Variants in ANK3 observed in about 807,000 individuals in gnomAD.
ANK3 encodes the protein ankyrin 3.
In ANK3, 57 loss-of-function variants were observed where a neutral mutation model predicts 370.9. The observed-to-expected ratio is 0.15, with a 90% confidence interval of 0.12 to 0.19. The LOEUF (loss-of-function observed/expected upper bound fraction) is 0.19, where lower values mean the gene tolerates loss of function less well. ANK3 is among the 10% of genes least tolerant of loss of function. ANK3 has a pLI of 1.00. For missense variants in ANK3, 4,439 were observed against 5,302.1 expected (o/e 0.84, Z 5.06); for synonymous variants, 1,929 against 1,946.3 (o/e 0.99, Z 0.23).
intron 5 of ANK3, among the ~76,000 whole-genome samples, chr10:60,266,830 A>C (rs1344742254): frequency 6.6e-6 from 1 of 152,206 alleles, no homozygotes; most frequent in Non-Finnish European, 1.5e-5. Context: ...GATAGAGGCT[A>C]CTGGAAAAAA....
At chr10:60,663,249 G>A (rs906966131) in intron 1 of ANK3, among the ~76,000 whole-genome samples, 2 of 152,202 alleles carry the variant, frequency 1.3e-5, no homozygotes, top group Admixed American at 6.5e-5. Context: ...ATTTTGTGGG[G>A]AAAGGGCCAC....
At chr10:60,177,542 C>T (rs1340927332) in intron 18 of ANK3, among the ~76,000 whole-genome samples, 2 of 148,360 alleles carry the variant, frequency 1.3e-5, no homozygotes, top group Non-Finnish European at 3.0e-5. Flanking sequence ...TTAGTTTCCT[C>T]CTGAATTTCC....
intron 2 of ANK3, among the ~76,000 whole-genome samples, chr10:60,480,444 A>T (rs1347002900): frequency 3.3e-5 from 5 of 152,334 alleles, no homozygotes; most frequent in African/African-American, 1.2e-4. Flanking sequence ...ATCTGGGAAC[A>T]TTCAATTTCA....
chr10:60,726,646 GT>G (rs1297544536), intron 1 of ANK3, among the ~76,000 whole-genome samples: 1 of 151,922 alleles, frequency 6.6e-6, no homozygotes, highest in East Asian at 1.9e-4. Flanking sequence ...TTTTGTTTTT[GT>G]TTTTTTCTTC....
intron 8 of ANK3, among the ~76,000 whole-genome samples, chr10:60,221,263 A>G (rs909973574): frequency 3.9e-5 from 6 of 152,058 alleles, no homozygotes; most frequent in Non-Finnish European, 7.4e-5. Context: ...TATTTTTAGT[A>G]GAGACTGAGT....
At chr10:60,156,515 T>G (rs2095331804) in intron 23 of ANK3, among the ~76,000 whole-genome samples, 2 of 152,086 alleles carry the variant, frequency 1.3e-5, no homozygotes, top group Admixed American at 1.3e-4. Context: ...CCCTGTGCAG[T>G]GCCAGCTGTC....
At chr10:60,175,147 C>A (rs1261782674) in intron 18 of ANK3, among the ~76,000 whole-genome samples, 1 of 152,176 alleles carries the variant, frequency 6.6e-6, no homozygotes, top group East Asian at 1.9e-4. Flanking sequence ...CTCCTCATCC[C>A]CCATCCATAC....
chr10:60,515,602 T>C (rs1373460820), intron 2 of ANK3, among the ~76,000 whole-genome samples: 1 of 152,146 alleles, frequency 6.6e-6, no homozygotes, highest in East Asian at 1.9e-4. Flanking sequence ...AGCTGTTGTA[T>C]ATTATAGTAG....
chr10:60,732,585 G>T (rs951042388), intron 1 of ANK3, among the ~76,000 whole-genome samples: 16 of 152,084 alleles, frequency 1.1e-4, no homozygotes, highest in Non-Finnish European at 2.2e-4. Context: ...CCACCCCCTG[G>T]CACTGCCACG....
chr10:60,268,322 A>T (rs2097911873), intron 5 of ANK3, among the ~76,000 whole-genome samples: 1 of 152,246 alleles, frequency 6.6e-6, no homozygotes. Flanking sequence ...TCCCAACAGT[A>T]CTGATGGGTA....
chr10:60,204,261 A>G lies in ANK3; in HGVS notation c.1294-1161T>C, dbSNP rs1322596029. Among the ~76,000 whole-genome samples, 3 of 152,148 alleles carry G rather than the reference A, an allele frequency of 2.0e-5. No individual in the cohort carries two copies. In the South Asian group the frequency reaches 6.2e-4, roughly 32 times the overall value. ...AGTAGTTAGAGCTTGTGCAAGGCAA[A>G]ATCTTGGTCTGAACTGCCTTTTAAA... On this transcript the variant is annotated intron_variant, in intron 11 of 43. Coordinates refer to ENST00000280772, the MANE Select transcript of ANK3 (RefSeq NM_020987.5).
At chr10:60,334,928 A>G (rs1011271053) in intron 1 of ANK3, among the ~76,000 whole-genome samples, 9 of 152,090 alleles carry the variant, frequency 5.9e-5, no homozygotes, top group African/African-American at 2.2e-4. Flanking sequence ...GGTGGAGTCT[A>G]TCACTTTCAT....
At chr10:60,085,494 T>G (rs1209198087) in intron 30 of ANK3, among the ~76,000 whole-genome samples, 1 of 152,192 alleles carries the variant, frequency 6.6e-6, no homozygotes, top group Non-Finnish European at 1.5e-5. Context: ...GTTTTTTGTC[T>G]GGGTACTAAT....
intron 2 of ANK3, among the ~76,000 whole-genome samples, chr10:60,553,919 G>T (rs2133236905): frequency 6.6e-6 from 1 of 152,286 alleles, no homozygotes; most frequent in East Asian, 1.9e-4. Flanking sequence ...TGAGCTGGTT[G>T]ATTGGTTGGT....
chr10:60,566,879 A>G (rs754451705), intron 2 of ANK3, among the ~76,000 whole-genome samples: 1 of 152,210 alleles, frequency 6.6e-6, no homozygotes, highest in Non-Finnish European at 1.5e-5. Context: ...CCTGTCTCTT[A>G]AAAACAAAAC....
At chr10:60,183,862 A>G (rs984452963) in intron 17 of ANK3, among the ~76,000 whole-genome samples, 2 of 151,952 alleles carry the variant, frequency 1.3e-5, no homozygotes, top group Non-Finnish European at 2.9e-5. Context: ...CTGTCTCAAA[A>G]AAAAAAAAAA....
chr10:60,063,208 T>A lies in ANK3; in HGVS notation c.12498A>T (p.Ile4166=). ...SVLTKINRID[I]VTLLEGPIFD... is the part of the protein sequence containing the mutation. ...ATATTGGTCCTTCTAGCAGTGTCAC[T>A]ATATCTATTCGATTAATTTTTGTCA... The change falls in exon 40 of 44, where the codon ATA becomes ATT. Residue 4166 remains isoleucine, a synonymous_variant. Coordinates refer to ENST00000280772, the MANE Select transcript of ANK3 (RefSeq NM_020987.5). 6.2e-7 allele frequency: 1 copy of A among 1,611,962 alleles called. No homozygotes were observed. The highest frequency in any genetic ancestry group is 8.5e-7 in the Non-Finnish European group (1 of 1,179,310).
At chr10:60,139,566 TG>T (rs1221560231) in intron 23 of ANK3, 1 of 154,160 alleles carries the variant, frequency 6.5e-6, no homozygotes, top group Non-Finnish European at 1.4e-5. Context: ...GATTTCAGTT[TG>T]GGGCTTAAGT....
intron 2 of ANK3, among the ~76,000 whole-genome samples, chr10:60,420,296 G>A (rs1023676158): frequency 1.3e-5 from 2 of 152,094 alleles, no homozygotes; most frequent in African/African-American, 2.4e-5. Flanking sequence ...CAAATCGCTT[G>A]TACTATTCAC....
Sources: gnomAD v4.1 joint callset for allele counts (sites outside exome capture counted in the v4.1 genomes callset) on GRCh38, gnomAD v4.1.1 for gene constraint, MANE v1.5 for transcripts, NCBI Gene and HGNC (gene_info 2026-07-23, HGNC 2026-07-21) for gene names.